ADAMTSL1: variants seen among roughly 807,000 people sequenced by gnomAD.
ADAMTSL1 encodes ADAMTS-like protein 1.
A neutral mutation model predicts 201.8 loss-of-function variants in ADAMTSL1; 126 were observed. The observed-to-expected ratio is 0.62, with a 90% confidence interval of 0.54 to 0.72. ADAMTSL1 has a LOEUF of 0.72. Among genes scored for constraint, ADAMTSL1 ranks in the 30% least tolerant of loss-of-function variants. ADAMTSL1 has a pLI of 0.00. For synonymous variants in ADAMTSL1, 1,121 were observed against 903.4 expected, an observed-to-expected ratio of 1.24 and a Z score of -4.32; for missense variants, 2,679 against 2,277.8, an observed-to-expected ratio of 1.18 and a Z score of -3.59.
At chr9:18,314,782 C>CTGTTT (rs1834302245) in intron 2 of ADAMTSL1, among the ~76,000 whole-genome samples, 1 of 49,840 alleles carries the variant, frequency 2.0e-5, no homozygotes, top group Non-Finnish European at 3.6e-5. Flanking sequence ...CGGCAGCGTG[C>CTGTTT]TTTTTTTTTT....
rs1278324817 is a variant in ADAMTSL1 at position 18,392,480 on chromosome 9, TGGC to T, written c.208-112347_208-112345del. Among the ~76,000 whole-genome samples, 8 of 152,234 alleles carry T rather than the reference TGGC, an allele frequency of 5.3e-5. No homozygotes were observed. The East Asian group carries it at 1.5e-3, about 29-fold the overall frequency. On this transcript the variant is annotated intron_variant, in intron 2 of 29. Transcript: ENST00000680146. ...CTTCATCCTACATCTCCACTTGGCC[TGGC>T]GTGCTCTGCAAACCTGCTACTGACA... is the stretch of plus-strand genomic sequence containing the variant.
intron 6 of ADAMTSL1, among the ~76,000 whole-genome samples, chr9:18,636,868 T>C (rs553764697): frequency 6.6e-6 from 1 of 152,248 alleles, no homozygotes; most frequent in Admixed American, 6.6e-5. Flanking sequence ...CTGTGATTGT[T>C]CCTGGGTTTC....
At chr9:18,906,603 C>G in intron 27 of ADAMTSL1, 89 bp from the exon 28 acceptor site, 1 of 1,108,410 alleles carries the variant, frequency 9.0e-7, no homozygotes, top group Non-Finnish European at 1.3e-6. Flanking sequence ...AACCACCTAA[C>G]ATTTCTGAGT....
intron 23 of ADAMTSL1, among the ~76,000 whole-genome samples, chr9:18,849,043 T>C (rs1365724227): frequency 2.0e-5 from 3 of 152,230 alleles, no homozygotes; most frequent in Non-Finnish European, 4.4e-5. Flanking sequence ...TGAGTCTGCC[T>C]TTCTCATCAA....
intron 26 of ADAMTSL1, among the ~76,000 whole-genome samples, chr9:18,893,491 G>A (rs569722975): frequency 1.3e-5 from 2 of 152,052 alleles, no homozygotes; most frequent in Non-Finnish European, 2.9e-5. Context: ...AGTACGTGTC[G>A]AGCTTTAATG....
At chr9:18,199,361 T>A (rs532873315) in intron 2 of ADAMTSL1, among the ~76,000 whole-genome samples, 3 of 152,044 alleles carry the variant, frequency 2.0e-5, no homozygotes, top group South Asian at 2.1e-4. Context: ...AAAATAAAAA[T>A]AAAAAATGAA....
At chr9:18,108,463 G>A (rs1056092962) in intron 1 of ADAMTSL1, among the ~76,000 whole-genome samples, 1 of 152,110 alleles carries the variant, frequency 6.6e-6, no homozygotes, top group Non-Finnish European at 1.5e-5. Context: ...GCCTCCCAAA[G>A]TGTTGGGATT....
In ADAMTSL1 at chr9:18,904,633, CAAAAAAAAAAA is replaced by C. The variant is rs71333072; in HGVS notation, c.4852-1120_4852-1110del. ...TGGGCAACAGAAAGAGACCCTGCCT[CAAAAAAAAAAA>C]AAAAAAAAAAAAAAAAAAAAAAAAA... On this transcript the variant is annotated intron_variant, in intron 26 of 28. Coordinates refer to ENST00000380548, the MANE Select transcript of ADAMTSL1 (RefSeq NM_001040272.6). Among the ~76,000 whole-genome samples, 138 of 15,004 alleles carry C rather than the reference CAAAAAAAAAAA, an allele frequency of 9.2e-3. 15 individuals carry two copies. Among genetic ancestry groups the C allele is most frequent in the Non-Finnish European group, 0.013 (109 of 8,422 alleles). 9.8% of individuals were successfully genotyped at this position (15,004 alleles called of 152,430 possible). A position where few individuals can be genotyped will look rare whatever the true frequency, so the allele number is the denominator to read the frequency against.
intron 2 of ADAMTSL1, among the ~76,000 whole-genome samples, chr9:18,326,722 C>A (rs1376433616): frequency 1.3e-5 from 2 of 152,126 alleles, no homozygotes; most frequent in Non-Finnish European, 2.9e-5. Flanking sequence ...TGAATGCAAC[C>A]TATTGAGGCT....
At chr9:18,001,734 G>C (rs1819618338) in intron 1 of ADAMTSL1, among the ~76,000 whole-genome samples, 1 of 152,036 alleles carries the variant, frequency 6.6e-6, no homozygotes. Context: ...AGGGATTTGA[G>C]GGAGCAGAGG....
chr9:18,721,657 C>A lies in ADAMTSL1; in HGVS notation c.1998C>A (p.Cys666Ter). 6.2e-7 allele frequency: 1 copy of A among 1,613,790 alleles called. No individual in the cohort carries two copies. Among genetic ancestry groups the A allele is most frequent in the Non-Finnish European group, 8.5e-7 (1 of 1,179,786 alleles). ...TGAAGTCCTGCAATTTGGATCCCTG[C>A]CCAGCAAGGTAAGGGATGTGTGGCC... The part of the protein sequence containing the change: ...QLLKSCNLDP[C>*]PARWEIGKWS... Residue 666 changes from cysteine (C) to a stop codon, truncating the protein, a stop_gained, in exon 15 of 29, where the codon TGC becomes TGA. Coordinates refer to ENST00000380548, the MANE Select transcript of ADAMTSL1 (RefSeq NM_001040272.6). LOFTEE classifies it high-confidence loss of function.
intron 2 of ADAMTSL1, among the ~76,000 whole-genome samples, chr9:18,330,595 C>G (rs1834992809): frequency 6.6e-6 from 1 of 152,126 alleles, no homozygotes; most frequent in South Asian, 2.1e-4. Flanking sequence ...TGTTTTATCT[C>G]AAGTGTTCCT....
At chr9:17,937,589 G>A (rs1827064504) in intron 1 of ADAMTSL1, among the ~76,000 whole-genome samples, 1 of 152,030 alleles carries the variant, frequency 6.6e-6, no homozygotes, top group African/African-American at 2.4e-5. Context: ...TTAGATGGAG[G>A]GGAGACTTGC....
intron 2 of ADAMTSL1, among the ~76,000 whole-genome samples, chr9:18,296,657 A>C (rs772301220): frequency 2.6e-5 from 4 of 152,230 alleles, no homozygotes; most frequent in Non-Finnish European, 5.9e-5. Flanking sequence ...TATTTTTTAA[A>C]AGGGAATAGA....
chr9:18,788,285 T>C (rs1406068586), intron 19 of ADAMTSL1, among the ~76,000 whole-genome samples: 1 of 152,170 alleles, frequency 6.6e-6, no homozygotes, highest in East Asian at 1.9e-4. Context: ...AGAGCATTCC[T>C]TTTGCCTCCC....
rs141757877 is a variant in ADAMTSL1 at position 18,849,744 on chromosome 9, T to G, written c.4249+19767T>G. 6.6e-5 allele frequency among the ~76,000 whole-genome samples: 10 copies of G among 152,342 alleles called. No homozygotes were observed. In the East Asian group the frequency reaches 1.4e-3, roughly 21 times the overall value. ...CCGAGGTTTTATGTCACAAGGAAAA[T>G]GCTTTTGATTTCCTAAAGCTTTGCC... On this transcript the variant is annotated intron_variant, in intron 23 of 28. Transcript: ENST00000380548.
chr9:18,080,262 G>C (rs965894258), intron 1 of ADAMTSL1, among the ~76,000 whole-genome samples: 2 of 152,158 alleles, frequency 1.3e-5, no homozygotes, highest in African/African-American at 4.8e-5. Flanking sequence ...AGACATATAA[G>C]GTAGAGATAT....
At chr9:18,417,382 G>GAAAAAAAAAAAAAA (rs750731863) in intron 2 of ADAMTSL1, among the ~76,000 whole-genome samples, 3 of 108,854 alleles carry the variant, frequency 2.8e-5, no homozygotes, top group Non-Finnish European at 5.8e-5. Context: ...AAAAAAAAAA[G>GAAAAAAAAAAAAAA]AAAAAAAAAA....
intron 1 of ADAMTSL1, among the ~76,000 whole-genome samples, chr9:17,932,976 T>A (rs1376133604): frequency 6.6e-6 from 1 of 152,192 alleles, no homozygotes; most frequent in Non-Finnish European, 1.5e-5. Flanking sequence ...TCAGATCAAC[T>A]AAGCCTGGTC....
Sources: allele counts gnomAD v4.1 joint callset (sites outside exome capture counted in the v4.1 genomes callset), GRCh38; gene constraint gnomAD v4.1.1; transcripts MANE v1.5; gene names NCBI Gene and HGNC (gene_info 2026-07-23, HGNC 2026-07-21).